APC2: variants seen among roughly 807,000 people sequenced by gnomAD.
APC2 encodes adenomatous polyposis coli protein 2.
Under a neutral mutation model 72.5 loss-of-function variants are expected in APC2, and 41 were observed. That is an observed-to-expected ratio of 0.57 (90% CI 0.44 to 0.73). The LOEUF (loss-of-function observed/expected upper bound fraction) is 0.73, where lower values mean the gene tolerates loss of function less well. APC2 is among the 30% of genes least tolerant of loss of function. The probability of loss-of-function intolerance (pLI) is 0.00; values close to 1 mark genes in which losing one functional copy is unlikely to be tolerated. For missense variants in APC2, 3,729 were observed against 3,403.4 expected (o/e 1.10, Z -2.38); for synonymous variants, 1,898 against 1,612.0 (o/e 1.18, Z -4.25).
At chr19:1,463,028 C>T (rs1440603293) in intron 14 of APC2, among the ~76,000 whole-genome samples, 1 of 151,668 alleles carries the variant, frequency 6.6e-6, no homozygotes, top group Admixed American at 6.6e-5. Flanking sequence ...GGAATCCCAG[C>T]ACTTTGGGAG....
chr19:1,459,080 A>C (rs1475872566), intron 10 of APC2, among the ~76,000 whole-genome samples: 1 of 151,984 alleles, frequency 6.6e-6, no homozygotes, highest in African/African-American at 2.4e-5. Flanking sequence ...TGTCTCTGTG[A>C]ATCTGATGGA....
intron 10 of APC2, 86 bp from the exon 11 acceptor site, chr19:1,460,095 G>C (rs747049187): frequency 1.3e-6 from 2 of 1,566,776 alleles, no homozygotes; most frequent in African/African-American, 2.7e-5. Context: ...GCATAGGGAG[G>C]GCCTCTGGGC....
intron 4 of APC2, among the ~76,000 whole-genome samples, chr19:1,454,364 CTTTT>C (rs11305729): frequency 7.0e-6 from 1 of 142,878 alleles, no homozygotes; most frequent in African/African-American, 2.5e-5. Flanking sequence ...ATTGCTTTCT[CTTTT>C]TTTTTTTTTT....
At chr19:1,451,620 A>T (rs995661114) in intron 1 of APC2, 9 of 152,266 alleles carry the variant, frequency 5.9e-5, no homozygotes, top group African/African-American at 1.9e-4. Context: ...TCGGGCCTCC[A>T]GCCTGGACTT....
At chr19:1,463,622 C>T (rs1469104672) in intron 14 of APC2, among the ~76,000 whole-genome samples, 4 of 151,194 alleles carry the variant, frequency 2.6e-5, no homozygotes, top group Non-Finnish European at 5.9e-5. Context: ...GCTTGGCGTC[C>T]ACATGTAGTT....
rs2083759929 is a variant in APC2 at position 1,452,835 on chromosome 19, T to G, written c.-18-149T>G. 4.0e-6 allele frequency: 4 copies of G among 991,564 alleles called. No individual in the cohort carries two copies. The African/African-American group carries it at 6.6e-5, about 16-fold the overall frequency. The allele number at this position is 991,564 out of a possible 1,614,324, so 61.4% of individuals were successfully genotyped here. On this transcript the variant is annotated intron_variant, in intron 1 of 14. Transcript: ENST00000590469. This position sits in a 1 kb window ranked among gnomAD's most constrained non-coding sequence, Gnocchi z 5.1. ...TGGCCACCACCACGTGGGCCTGTAC[T>G]TGTCCACACCAGTGACTCCTGCCTG...
intron 13 of APC2, chr19:1,461,400 C>A (rs2083920108): frequency 3.6e-6 from 2 of 556,760 alleles, no homozygotes; most frequent in East Asian, 6.1e-5. Context: ...CATGGTCAGA[C>A]CCCATCTCTA....
At position 1,469,075 on chromosome 19, in the gene APC2, G is replaced by A. The variant is rs201832879; in HGVS notation, c.5774G>A (p.Arg1925Lys). The A allele has an allele frequency of 3.2e-5, 48 of 1,514,078 alleles. No individual in the cohort carries two copies. The highest frequency in any genetic ancestry group is 4.1e-5 in the Non-Finnish European group (46 of 1,131,072). The allele number at this position is 1,514,078 out of a possible 1,614,324, so 93.8% of individuals were successfully genotyped here. Residue 1925 changes from arginine to lysine, a missense_variant, in exon 15 of 15, where the codon AGA (arginine) becomes AAA (lysine). Arg to Lys is a conservative substitution (Grantham distance 26). Transcript: ENST00000590469. ...CTGGCGAAGCAGCACAAGACGCAGA[G>A]ATCGCCCGTGCGGATCCCGTTCATG... is the stretch of plus-strand genomic sequence containing the variant. ...TLLAKQHKTQ[R>K]SPVRIPFMQR...
rs764616153 is a variant in APC2, at chr19:1,469,249, G to T, written c.5948G>T (p.Ser1983Ile). The T allele has an allele frequency of 7.0e-7, 1 of 1,427,546 alleles. No individual in the cohort carries two copies. Among genetic ancestry groups the T allele is most frequent in the South Asian group, 1.3e-5 (1 of 77,334 alleles). The allele number at this position is 1,427,546 out of a possible 1,614,324, so 88.4% of individuals were successfully genotyped here. A position where few individuals can be genotyped will look rare whatever the true frequency, so the allele number is the denominator to read the frequency against. Reference protein sequence around the residue: ...VRVASALSSGSESSDRSGFRR... With the variant: ...VRVASALSSGIESSDRSGFRR... The stretch of plus-strand genomic sequence containing the variant: ...GTGGCCTCAGCCCTCTCCAGCGGCA[G>T]CGAGTCCTCCGACCGCTCGGGCTTC... The change falls in exon 15 of 15, where the codon AGC becomes ATC. Residue 1983 changes from serine to isoleucine, a missense_variant. Coordinates refer to ENST00000590469, the MANE Select transcript of APC2 (RefSeq NM_005883.3).
rs911708482 is a variant in APC2 at position 1,455,397 on chromosome 19, A to G, written c.536A>G (p.Gln179Arg). 1 of 1,609,400 alleles carries G rather than the reference A, an allele frequency of 6.2e-7. No homozygotes were observed. The highest frequency in any genetic ancestry group is 8.5e-7 in the Non-Finnish European group (1 of 1,178,492). Reference protein sequence around the residue: ...LPHVETQFSMQMDLIRQQLEF... With the variant: ...LPHVETQFSMRMDLIRQQLEF... ...TGCCTTTGCCAGCAGTTCTCGATGC[A>G]GATGGACCTGATCCGGCAGCAGCTT... Residue 179 changes from glutamine to arginine, a missense_variant, in exon 6 of 15, where the codon CAG becomes CGG. Physicochemically the swap from Gln to Arg is conservative, Grantham distance 43. Coordinates refer to ENST00000590469, the MANE Select transcript of APC2 (RefSeq NM_005883.3).
chr19:1,454,563 C>CTTTTCTTTTTTTTTTT (rs1569140915), intron 4 of APC2, among the ~76,000 whole-genome samples: 8 of 116,172 alleles, frequency 6.9e-5, no homozygotes, highest in Non-Finnish European at 1.0e-4. Flanking sequence ...ATCTTTTGTA[C>CTTTTCTTTTTTTTTTT]TTTTTTTTTT....
chr19:1,464,495 G>A (rs1338462014), intron 14 of APC2, among the ~76,000 whole-genome samples: 2 of 152,058 alleles, frequency 1.3e-5, no homozygotes, highest in African/African-American at 4.8e-5. Flanking sequence ...GTTGGAGGCT[G>A]CAGTGAGCCA....
At chr19:1,453,950 C>T (rs1430199447) in intron 4 of APC2, among the ~76,000 whole-genome samples, 3 of 152,240 alleles carry the variant, frequency 2.0e-5, no homozygotes, top group Non-Finnish European at 4.4e-5. Flanking sequence ...CAGGGCTCAG[C>T]CAGGCCTGGA....
At position 1,468,223 on chromosome 19, in the gene APC2, G is replaced by A. The variant is rs893233584; in HGVS notation, c.4922G>A (p.Arg1641Gln). 19 of 1,477,300 alleles carry A rather than the reference G, an allele frequency of 1.3e-5. No individual in the cohort carries two copies. Among genetic ancestry groups the A allele is most frequent in the East Asian group, 1.1e-4 (4 of 36,974 alleles). 91.5% of individuals were successfully genotyped at this position (1,477,300 alleles called of 1,614,324 possible). The change falls in exon 15 of 15, where the codon CGG becomes CAG. Residue 1641 changes from arginine (R) to glutamine (Q), a missense_variant. Coordinates refer to ENST00000590469, the MANE Select transcript of APC2 (RefSeq NM_005883.3). ...ATCAGCTCGGCCCTGCCCAGGCGCC[G>A]GCCCCCCGTGTCTGGCCTGCGGCGC... ...RCISSALPRRRPPVSGLRRRK... is the reference protein window; with the variant it reads ...RCISSALPRRQPPVSGLRRRK...
At chr19:1,449,542 C>A (rs1403818819), upstream of APC2, among the ~76,000 whole-genome samples, 1 of 152,174 alleles carries the variant, frequency 6.6e-6, no homozygotes, top group Non-Finnish European at 1.5e-5. Context: ...TGAAGAGCAA[C>A]GGAGTTACAG....
rs868809340 is a variant in APC2 at position 1,455,476 on chromosome 19, G to T, written c.615G>T (p.Ser205=). 9 of 1,603,158 alleles carry T rather than the reference G, an allele frequency of 5.6e-6. No individual in the cohort carries two copies. The African/African-American group carries it at 9.4e-5, about 17-fold the overall frequency. ...TGATGGAGGAGCGCTTCGGCACCTCGGACGAGATGGTGCAGCGGGCACAGG... is the reference window on the plus strand; with the variant it reads ...TGATGGAGGAGCGCTTCGGCACCTCTGACGAGATGGTGCAGCGGGCACAGG... ...RSLMEERFGT[S]DEMVQRAQIR... Residue 205 remains serine, a synonymous_variant, in exon 6 of 15, where the codon TCG becomes TCT. Coordinates refer to ENST00000590469, the MANE Select transcript of APC2 (RefSeq NM_005883.3).
At position 1,467,033 on chromosome 19, in the gene APC2, C is replaced by G. The variant is rs769445980; in HGVS notation, c.3732C>G (p.Ala1244=). ...ESYVKRFLDI[A]DCRERCRLPS... is the part of the protein sequence containing the mutation. The stretch of plus-strand genomic sequence containing the variant: ...ACGTGAAGCGCTTCCTGGACATCGC[C>G]GACTGCCGGGAGCGCTGCCGGCTGC... The change falls in exon 15 of 15, where the codon GCC becomes GCG. Residue 1244 remains alanine, a synonymous_variant. Coordinates refer to ENST00000590469, the MANE Select transcript of APC2 (RefSeq NM_005883.3). The G allele has an allele frequency of 1.2e-6, 2 of 1,611,354 alleles. No homozygotes were observed. Among genetic ancestry groups the G allele is most frequent in the Non-Finnish European group, 1.7e-6 (2 of 1,179,442 alleles).
rs1277464886 is a variant in APC2, at chr19:1,470,285, G to A, written c.*72G>A. The A allele has an allele frequency of 1.0e-5, 15 of 1,454,500 alleles. No individual in the cohort carries two copies. Among genetic ancestry groups the A allele is most frequent in the Admixed American group, 4.9e-5 (2 of 40,896 alleles). 90.1% of individuals were successfully genotyped at this position (1,454,500 alleles called of 1,614,324 possible). ...CGGTCTGGCTGCCCCATGGGCCTGC[G>A]CTGTAGACGTCCCCCATAGGTCGCC... On this transcript the variant is annotated 3_prime_UTR_variant, in exon 15 of 15. Coordinates refer to ENST00000590469, the MANE Select transcript of APC2 (RefSeq NM_005883.3).
At chr19:1,463,310 C>T (rs1176652852) in intron 14 of APC2, among the ~76,000 whole-genome samples, 2 of 151,156 alleles carry the variant, frequency 1.3e-5, no homozygotes, top group African/African-American at 2.4e-5. Flanking sequence ...CCCAGCTACT[C>T]GGGAGACTGA....
Sources: gnomAD v4.1 joint callset for allele counts (sites outside exome capture counted in the v4.1 genomes callset) on GRCh38, gnomAD v4.1.1 for gene constraint, Gnocchi (gnomAD v3.1) non-coding constraint, MANE v1.5 for transcripts, NCBI Gene and HGNC (gene_info 2026-07-23, HGNC 2026-07-21) for gene names.